TBC1D14: variants seen among roughly 807,000 people sequenced by gnomAD.
TBC1D14 encodes the protein TBC1 domain family, member 14.
In TBC1D14, 26 loss-of-function variants were observed where a neutral mutation model predicts 79.0. That is an observed-to-expected ratio of 0.33 (90% CI 0.24 to 0.46). The LOEUF is 0.46. Among genes scored for constraint, TBC1D14 ranks in the 20% least tolerant of loss-of-function variants. The pLI is 1.00. For synonymous variants in TBC1D14, 394 were observed against 349.9 expected, an observed-to-expected ratio of 1.13 and a Z score of -1.40; for missense variants, 769 against 887.6, an observed-to-expected ratio of 0.87 and a Z score of 1.70.
At chr4:6,929,244 G>C (rs1013920263) in intron 2 of TBC1D14, among the ~76,000 whole-genome samples, 3 of 152,136 alleles carry the variant, frequency 2.0e-5, no homozygotes, top group Admixed American at 1.3e-4. Context: ...TGCAGAATGA[G>C]CTGAGGGGTA....
intron 3 of TBC1D14, among the ~76,000 whole-genome samples, chr4:6,991,801 CAG>C (rs1258256821): frequency 3.3e-5 from 5 of 152,152 alleles, no homozygotes; most frequent in Admixed American, 6.5e-5. Flanking sequence ...GTAAAGCACT[CAG>C]AGGTGCTGGG....
intron 11 of TBC1D14, 104 bp downstream of exon 11, chr4:7,010,885 T>TTCACAGA: frequency 7.3e-7 from 1 of 1,365,032 alleles, no homozygotes; most frequent in Non-Finnish European, 1.0e-6. Flanking sequence ...ATTTTCTCTC[T>TTCACAGA]GTGAAGAGAT....
At chr4:6,913,724 A>G in intron 1 of TBC1D14, among the ~76,000 whole-genome samples, 1 of 152,200 alleles carries the variant, frequency 6.6e-6, no homozygotes, top group East Asian at 1.9e-4. Context: ...TATCTTCCTA[A>G]TGTATCATTT....
In TBC1D14 at chr4:6,963,498, G is replaced by A. The variant is rs114793137; in HGVS notation, c.723-3806G>A. Among the ~76,000 whole-genome samples, 652 of 152,338 alleles carry A rather than the reference G, an allele frequency of 4.3e-3. 3 individuals are homozygous for A. Among genetic ancestry groups the A allele is most frequent in the African/African-American group, 0.015 (615 of 41,578 alleles). ...GCCCAGCTGTGTTCTCTCACTGCAC[G>A]TGACCTGAGAGTGATGTTTGGTCAT... On this transcript the variant is annotated intron_variant, in intron 2 of 13. Transcript: ENST00000409757.
At chr4:6,962,994 C>T (rs978176895) in intron 2 of TBC1D14, among the ~76,000 whole-genome samples, 2 of 152,208 alleles carry the variant, frequency 1.3e-5, no homozygotes, top group Non-Finnish European at 2.9e-5. Context: ...TGACTCTACC[C>T]TGCCCTCTGG....
intron 2 of TBC1D14, among the ~76,000 whole-genome samples, chr4:6,934,746 A>G (rs912728830): frequency 2.6e-5 from 4 of 152,096 alleles, no homozygotes; most frequent in African/African-American, 9.7e-5. Context: ...TGTTTTCGTG[A>G]AGTGGTGCAG....
At chr4:6,921,353 C>A (rs28703753) in intron 1 of TBC1D14, among the ~76,000 whole-genome samples, 82,662 of 151,548 alleles carry the variant, frequency 0.55, 22,702 homozygotes, top group East Asian at 0.68. Flanking sequence ...GGACCACAGA[C>A]GTGCCACCAC....
chr4:7,024,482 C>A (rs768322382), intron 12 of TBC1D14, among the ~76,000 whole-genome samples: 8 of 152,128 alleles, frequency 5.3e-5, no homozygotes, highest in Non-Finnish European at 1.2e-4. Context: ...CAGAGATTGC[C>A]GGACAGGGCA....
intron 2 of TBC1D14, among the ~76,000 whole-genome samples, chr4:6,954,527 G>A (rs775600462): frequency 6.6e-6 from 1 of 152,196 alleles, no homozygotes; most frequent in Non-Finnish European, 1.5e-5. Context: ...CTGAGTGCCC[G>A]AGCTCCCTGG....
chr4:7,000,866 T>C (rs536288921), intron 6 of TBC1D14, among the ~76,000 whole-genome samples: 3 of 152,354 alleles, frequency 2.0e-5, no homozygotes, highest in Non-Finnish European at 4.4e-5. Flanking sequence ...CTTCATGTGC[T>C]CAGGTCATTC....
chr4:6,921,394 C>CA (rs937458852), intron 1 of TBC1D14, among the ~76,000 whole-genome samples: 1 of 152,058 alleles, frequency 6.6e-6, no homozygotes. Context: ...TTTTTAAAGA[C>CA]AGAGTCTCCC....
chr4:6,983,215 G>A (rs1418026423), intron 3 of TBC1D14, among the ~76,000 whole-genome samples: 5 of 151,948 alleles, frequency 3.3e-5, no homozygotes, highest in Non-Finnish European at 7.4e-5. Flanking sequence ...CAAGTGATCC[G>A]CCTGCCTTGG....
intron 2 of TBC1D14, among the ~76,000 whole-genome samples, chr4:6,952,029 T>C (rs1422131460): frequency 6.6e-6 from 1 of 152,090 alleles, no homozygotes; most frequent in Admixed American, 6.5e-5. Flanking sequence ...GTTATGCCCC[T>C]TTGTGGAGTG....
At chr4:6,976,289 T>C (rs1716705354) in intron 3 of TBC1D14, among the ~76,000 whole-genome samples, 1 of 152,178 alleles carries the variant, frequency 6.6e-6, no homozygotes, top group African/African-American at 2.4e-5. Context: ...CTCCCACATT[T>C]AGCAAAAGAT....
intron 3 of TBC1D14, among the ~76,000 whole-genome samples, chr4:6,983,887 G>A (rs66645969): frequency 0.11 from 17,456 of 152,152 alleles, 1,516 homozygotes; most frequent in African/African-American, 0.24. Flanking sequence ...CCTAAGTTTT[G>A]CTTATTTTTC....
intron 11 of TBC1D14, among the ~76,000 whole-genome samples, chr4:7,011,642 C>T (rs1314344341): frequency 3.3e-5 from 5 of 151,946 alleles, no homozygotes; most frequent in Admixed American, 6.6e-5. Context: ...CTACGACCTC[C>T]GCTTCCTGGG....
intron 3 of TBC1D14, among the ~76,000 whole-genome samples, chr4:6,980,722 T>G (rs2109096177): frequency 6.7e-6 from 1 of 148,718 alleles, no homozygotes; most frequent in African/African-American, 2.4e-5. Context: ...TAACTTGTCT[T>G]TTTTTTTTTT....
intron 2 of TBC1D14, among the ~76,000 whole-genome samples, chr4:6,940,007 G>A (rs11731639): frequency 0.3 from 45,707 of 152,110 alleles, 6,963 homozygotes; most frequent in Admixed American, 0.33. Context: ...CCTGGCTCCC[G>A]CGGCACCTCA....
intron 12 of TBC1D14, among the ~76,000 whole-genome samples, chr4:7,017,380 A>G (rs1721389810): frequency 6.6e-6 from 1 of 152,164 alleles, no homozygotes; most frequent in Non-Finnish European, 1.5e-5. Flanking sequence ...AGCCAAATGC[A>G]GAGCTGGAGT....
Sources: allele counts gnomAD v4.1 joint callset (sites outside exome capture counted in the v4.1 genomes callset), GRCh38; gene constraint gnomAD v4.1.1; transcripts MANE v1.5; gene names NCBI Gene and HGNC (gene_info 2026-07-23, HGNC 2026-07-21).